Variants in XYLT1 observed in about 807,000 individuals in gnomAD.
XYLT1 encodes beta-D-xylosyltransferase 1.
A neutral mutation model predicts 91.3 loss-of-function variants in XYLT1; 36 were observed. The ratio of observed to expected loss-of-function variants is 0.39; its 90% CI spans 0.30 to 0.52. XYLT1 has a LOEUF of 0.52. XYLT1 is among the 20% of genes least tolerant of loss of function. The probability of loss-of-function intolerance (pLI) is 0.68; values close to 1 mark genes in which losing one functional copy is unlikely to be tolerated. For synonymous variants in XYLT1, 588 were observed against 532.0 expected, an observed-to-expected ratio of 1.11 and a Z score of -1.45; for missense variants, 1,242 against 1,284.5, an observed-to-expected ratio of 0.97 and a Z score of 0.51.
Position 17,361,523 on chromosome 16 carries a change from G to A in XYLT1, c.364-3473C>T, listed in dbSNP as rs967586413. Among the ~76,000 whole-genome samples the A allele has an allele frequency of 3.9e-5, 6 of 152,278 alleles. No homozygotes were observed. In the East Asian group the frequency reaches 1.2e-3, roughly 29 times the overall value. On this transcript the variant is annotated intron_variant, in intron 1 of 11. Transcript: ENST00000261381. ...TAATACATGCTCTTTCTCTAAGTCT[G>A]CAAATGCATCCCAGGAACCTGAAAT... is the stretch of plus-strand genomic sequence containing the variant.
At chr16:17,388,565 A>T (rs1182655082) in intron 1 of XYLT1, among the ~76,000 whole-genome samples, 1 of 152,198 alleles carries the variant, frequency 6.6e-6, no homozygotes, top group Non-Finnish European at 1.5e-5. Flanking sequence ...ACTTAATATG[A>T]ACAGTTAAAG....
Position 17,219,508 on chromosome 16 carries a change from G to A in XYLT1, c.914-18854C>T, listed in dbSNP as rs144460597. 2.6e-5 allele frequency among the ~76,000 whole-genome samples: 4 copies of A among 152,202 alleles called. No individual in the cohort carries two copies. The East Asian group carries it at 7.7e-4, about 29-fold the overall frequency. On this transcript the variant is annotated intron_variant, in intron 3 of 11. Coordinates refer to ENST00000261381, the MANE Select transcript of XYLT1 (RefSeq NM_022166.4). ...TTGGTGCTTGTATTAATCGAGTCAAGTTCCCTAACATTGGTTTGAGAGCTC... is the reference window on the plus strand; with the variant it reads ...TTGGTGCTTGTATTAATCGAGTCAAATTCCCTAACATTGGTTTGAGAGCTC...
chr16:17,390,883 A>T (rs2035809421), intron 1 of XYLT1, among the ~76,000 whole-genome samples: 1 of 152,102 alleles, frequency 6.6e-6, no homozygotes, highest in Admixed American at 6.5e-5. Flanking sequence ...CTAAAAATAC[A>T]AAAAATTAGC....
Position 17,231,681 on chromosome 16 carries a change from T to C in XYLT1, c.913+27307A>G, listed in dbSNP as rs77171964. On this transcript the variant is annotated intron_variant, in intron 3 of 11. Coordinates refer to ENST00000261381, the MANE Select transcript of XYLT1 (RefSeq NM_022166.4). ...GCTACAAACCTGGACAGCATCATAC[T>C]GTACTCAATACTGTAGGCAACTTTA... Among the ~76,000 whole-genome samples, 1,229 of 152,308 alleles carry C rather than the reference T, an allele frequency of 8.1e-3. 18 individuals are homozygous for C. The highest frequency in any genetic ancestry group is 0.052 in the East Asian group (268 of 5,190).
At chr16:17,156,196 A>G (rs2031403447) in intron 6 of XYLT1, among the ~76,000 whole-genome samples, 1 of 152,242 alleles carries the variant, frequency 6.6e-6, no homozygotes, top group Non-Finnish European at 1.5e-5. Context: ...CAGAAGGTGT[A>G]ACCTCACAGT....
In XYLT1 at chr16:17,117,927, A is replaced by G; in HGVS notation, c.2276T>C (p.Leu759Pro). The stretch of plus-strand genomic sequence containing the variant: ...CACCGGCTCATCCATGGGCCCCAGA[A>G]GACCCCCAAAGTTGCGGAATAGCCT... ...KERLFRNFGGLLGPMDEPVGM... is the reference protein window; with the variant it reads ...KERLFRNFGGPLGPMDEPVGM... Residue 759 changes from leucine to proline, a missense_variant, in exon 11 of 12, where the codon CTT becomes CCT. Physicochemically the swap from Leu to Pro is moderately conservative, Grantham distance 98 (BLOSUM62 -3). Around this residue, in one of 3 missense-constraint regions of XYLT1, gnomAD observed 511 missense variants for 497.0 expected, o/e 1.03. Transcript: ENST00000261381. 3 of 1,614,050 alleles carry G rather than the reference A, an allele frequency of 1.9e-6. No homozygotes were observed. The highest frequency in any genetic ancestry group is 2.5e-6 in the Non-Finnish European group (3 of 1,179,950).
intron 1 of XYLT1, among the ~76,000 whole-genome samples, chr16:17,438,971 G>A (rs988236587): frequency 1.4e-4 from 22 of 152,256 alleles, no homozygotes; most frequent in African/African-American, 5.1e-4. Flanking sequence ...GATCTTGTAT[G>A]AGTCAGTACA....
intron 3 of XYLT1, among the ~76,000 whole-genome samples, chr16:17,207,893 C>T (rs1320151681): frequency 6.6e-6 from 1 of 152,208 alleles, no homozygotes; most frequent in African/African-American, 2.4e-5. Flanking sequence ...AAGCCAGCAC[C>T]TGTCAGGTCT....
chr16:17,116,846 A>G (rs1966853255), intron 11 of XYLT1, among the ~76,000 whole-genome samples: 1 of 152,216 alleles, frequency 6.6e-6, no homozygotes, highest in Admixed American at 6.5e-5. Context: ...ATGGGTGTGA[A>G]GTGGAACCTC....
chr16:17,158,790 CA>C, intron 6 of XYLT1, 38 bp downstream of exon 6: 1 of 1,605,448 alleles, frequency 6.2e-7, no homozygotes, highest in South Asian at 1.1e-5. Context: ...CTCAGATTTT[CA>C]TTTCCATTTT....
intron 2 of XYLT1, among the ~76,000 whole-genome samples, chr16:17,336,749 C>A (rs913193296): frequency 1.2e-4 from 19 of 152,212 alleles, no homozygotes; most frequent in Non-Finnish European, 2.1e-4. Flanking sequence ...AGCTGACATC[C>A]CCAAACACAG....
In XYLT1 at chr16:17,463,622, G is replaced by A. The variant is rs1028754923; in HGVS notation, c.363+6812C>T. Among the ~76,000 whole-genome samples the A allele has an allele frequency of 3.9e-5, 6 of 152,158 alleles. No homozygotes were observed. In the East Asian group the frequency reaches 1.2e-3, roughly 29 times the overall value. ...ATGGAACACTCATACACTGTTGGTG[G>A]GAATGTAAATTAGTACAGCCACTAT... On this transcript the variant is annotated intron_variant, in intron 1 of 11. Coordinates refer to ENST00000261381, the MANE Select transcript of XYLT1 (RefSeq NM_022166.4).
chr16:17,314,881 C>T (rs956087632), intron 2 of XYLT1, among the ~76,000 whole-genome samples: 2 of 152,088 alleles, frequency 1.3e-5, no homozygotes, highest in Non-Finnish European at 1.5e-5. Context: ...AGTCCTGGTA[C>T]GAGTTTGTCA....
chr16:17,387,651 C>T (rs760833623), intron 1 of XYLT1, among the ~76,000 whole-genome samples: 7 of 152,080 alleles, frequency 4.6e-5, no homozygotes, highest in Non-Finnish European at 8.8e-5. Flanking sequence ...CCGCTGCTAC[C>T]CCCTCCCTGG....
intron 2 of XYLT1, among the ~76,000 whole-genome samples, chr16:17,262,071 T>C (rs138320830): frequency 6.2e-4 from 95 of 152,356 alleles, no homozygotes; most frequent in Admixed American, 1.1e-3. Flanking sequence ...GCGCATTTTC[T>C]GAGCTCTTAC....
At chr16:17,129,418 T>C (rs2030388299) in intron 9 of XYLT1, among the ~76,000 whole-genome samples, 1 of 152,068 alleles carries the variant, frequency 6.6e-6, no homozygotes, top group African/African-American at 2.4e-5. Context: ...TCAGCCACCA[T>C]GCCCGGCTAA....
Position 17,252,504 on chromosome 16 carries a change from G to A in XYLT1, c.913+6484C>T, listed in dbSNP as rs1349111107. Among the ~76,000 whole-genome samples the A allele has an allele frequency of 2.6e-5, 4 of 152,272 alleles. 1 individual carries two copies. The highest frequency in any genetic ancestry group is 6.8e-3 in the Middle Eastern group (2 of 294). The stretch of plus-strand genomic sequence containing the variant: ...CAGAGTCCCTTCCCCACACCTCACT[G>A]CATCTCCCTCTGCACGGTTGCCAGT... On this transcript the variant is annotated intron_variant, in intron 3 of 11. Transcript: ENST00000261381.
chr16:17,344,378 A>G (rs990791577), intron 2 of XYLT1, among the ~76,000 whole-genome samples: 1 of 151,200 alleles, frequency 6.6e-6, no homozygotes, highest in Non-Finnish European at 1.5e-5. Context: ...CTGTAGTCCC[A>G]GCTACTCAGG....
chr16:17,449,963 T>C (rs1224123083), intron 1 of XYLT1, among the ~76,000 whole-genome samples: 1 of 152,206 alleles, frequency 6.6e-6, no homozygotes, highest in Non-Finnish European at 1.5e-5. Context: ...TTGTGTGCCA[T>C]TCACTGTTTC....
Sources: allele counts gnomAD v4.1 joint callset (sites outside exome capture counted in the v4.1 genomes callset), GRCh38; gene constraint gnomAD v4.1.1; regional missense constraint gnomAD v4.1.1; transcripts MANE v1.5; gene names NCBI Gene and HGNC (gene_info 2026-07-23, HGNC 2026-07-21).